The following PLXND1 variants were observed in gnomAD, a reference collection of about 807,000 sequenced individuals.
PLXND1 encodes the protein plexin D1.
Under a neutral mutation model 197.7 loss-of-function variants are expected in PLXND1, and 54 were observed. The ratio of observed to expected loss-of-function variants is 0.27; its 90% CI spans 0.22 to 0.34. The LOEUF is 0.34. PLXND1 is among the 10% of genes least tolerant of loss of function. PLXND1 has a pLI of 1.00. For synonymous variants in PLXND1, 1,180 were observed against 1,161.2 expected (o/e 1.02, Z -0.33); for missense variants, 2,127 against 2,699.2 (o/e 0.79, Z 4.70).
At position 129,606,094 on chromosome 3, in the gene PLXND1, C is replaced by T. The variant is rs1351152879; in HGVS notation, c.546G>A (p.Val182=). 1 of 1,548,668 alleles carries T rather than the reference C, an allele frequency of 6.5e-7. No individual in the cohort carries two copies. Among genetic ancestry groups the T allele is most frequent in the Non-Finnish European group, 8.7e-7 (1 of 1,153,180 alleles). ...PVTVFPSMLN[V]AANHPNASTV... The stretch of plus-strand genomic sequence containing the variant: ...TGGACGCGTTCGGGTGGTTGGCCGC[C>T]ACGTTCAGCATGCTGGGGAACACCG... Residue 182 remains valine (V), a synonymous_variant, in exon 1 of 36, where the codon GTG becomes GTA. Coordinates refer to ENST00000324093, the MANE Select transcript of PLXND1 (RefSeq NM_015103.3).
In PLXND1 at chr3:129,605,797, G is replaced by A. The variant is rs1257132397; in HGVS notation, c.843C>T (p.Ser281=). The change falls in exon 1 of 36, where the codon AGC becomes AGT. Residue 281 remains serine, a synonymous_variant. Transcript: ENST00000324093. ...GCGGGTCGGACGGGTGCAGGAAGGCGCTCACGAAGCCCAGCTTGTGCTGCT... is the reference window on the plus strand; with the variant it reads ...GCGGGTCGGACGGGTGCAGGAAGGCACTCACGAAGCCCAGCTTGTGCTGCT... The part of the protein sequence containing the change: ...AKEQHKLGFV[S]AFLHPSDPPP... The A allele has an allele frequency of 1.3e-6, 2 of 1,598,618 alleles. No individual in the cohort carries two copies. Among genetic ancestry groups the A allele is most frequent in the Non-Finnish European group, 1.7e-6 (2 of 1,173,386 alleles).
Position 129,557,132 on chromosome 3 carries a change from G to C in PLXND1, c.5537C>G (p.Thr1846Arg). 2 of 1,614,074 alleles carry C rather than the reference G, an allele frequency of 1.2e-6. No individual in the cohort carries two copies. The highest frequency in any genetic ancestry group is 1.7e-6 in the Non-Finnish European group (2 of 1,180,022). Residue 1846 changes from threonine (T) to arginine (R), a missense_variant, in exon 34 of 36, where the codon ACG (threonine) becomes AGG (arginine). By Grantham distance (71) the Thr-to-Arg change is moderately conservative. Transcript: ENST00000324093. This position sits in a 1 kb window ranked among gnomAD's most constrained non-coding sequence, Gnocchi z 4.8. ...ATTCATCTCTTGCTCGCTGAGCGGC[G>C]TCATGTCCTGGATCTGCTTGTAGTA... ...QRYYKQIQDM[T>R]PLSEQEMNAH...
chr3:129,598,429 A>G (rs2085659089), intron 1 of PLXND1, among the ~76,000 whole-genome samples: 1 of 151,792 alleles, frequency 6.6e-6, no homozygotes, highest in Non-Finnish European at 1.5e-5. Flanking sequence ...TCCCATACTC[A>G]CATACTCTAG....
intron 2 of PLXND1, 75 bp from the exon 3 acceptor site, chr3:129,586,794 G>T: frequency 6.6e-7 from 1 of 1,516,194 alleles, no homozygotes; most frequent in Non-Finnish European, 8.9e-7. Flanking sequence ...ACCTGAGCCC[G>T]GGTCTGGGGG....
At chr3:129,594,311 T>A (rs1284318186) in intron 1 of PLXND1, among the ~76,000 whole-genome samples, 2 of 152,054 alleles carry the variant, frequency 1.3e-5, no homozygotes, top group Non-Finnish European at 2.9e-5. Flanking sequence ...CATGATCACT[T>A]TGGGGTATTA....
Position 129,584,141 on chromosome 3 carries a change from C to T in PLXND1, c.2122G>A (p.Val708Met). 1.3e-6 allele frequency: 2 copies of T among 1,562,786 alleles called. No individual in the cohort carries two copies. Among genetic ancestry groups the T allele is most frequent in the South Asian group, 1.2e-5 (1 of 85,016 alleles). ...GCCACTCACGCTGTGTGGGGGTACA[C>T]TTGTGCAGTGCGGCTGCAGTCGTAG... ...TIYDCSRTAQ[V>M]YPHTACTSCL... The change falls in exon 7 of 36, where the codon GTG (valine) becomes ATG (methionine). Residue 708 changes from valine to methionine, a missense_variant. Around this residue, in one of 6 missense-constraint regions of PLXND1, gnomAD observed 1,095 missense variants for 1,259.8 expected, o/e 0.87. Coordinates refer to ENST00000324093, the MANE Select transcript of PLXND1 (RefSeq NM_015103.3).
At chr3:129,594,339 G>A (rs938898043) in intron 1 of PLXND1, among the ~76,000 whole-genome samples, 1 of 152,154 alleles carries the variant, frequency 6.6e-6, no homozygotes, top group East Asian at 1.9e-4. Flanking sequence ...AGGGTGGGCC[G>A]TTCGCACCAT....
At chr3:129,594,359 C>T (rs2085589991) in intron 1 of PLXND1, among the ~76,000 whole-genome samples, 1 of 152,204 alleles carries the variant, frequency 6.6e-6, no homozygotes, top group Non-Finnish European at 1.5e-5. Context: ...TGGCTCACGC[C>T]TGTAATCCCA....
At position 129,606,566 on chromosome 3, in the gene PLXND1, G is replaced by T; in HGVS notation, c.74C>A (p.Thr25Lys). 1.6e-6 allele frequency: 2 copies of T among 1,244,840 alleles called. No individual in the cohort carries two copies. The highest frequency in any genetic ancestry group is 2.0e-6 in the Non-Finnish European group (2 of 995,492). 77.1% of individuals were successfully genotyped at this position (1,244,840 alleles called of 1,614,324 possible). A position where few individuals can be genotyped will look rare whatever the true frequency, so the allele number is the denominator to read the frequency against. Residue 25 changes from threonine (T) to lysine (K), a missense_variant, in exon 1 of 36, where the codon ACG (threonine) becomes AAG (lysine). Coordinates refer to ENST00000324093, the MANE Select transcript of PLXND1 (RefSeq NM_015103.3). ...AAAASPPPFQTPPRCPVPLLL... is the reference protein window; with the variant it reads ...AAAASPPPFQKPPRCPVPLLL... ...CAGCGGCACCGGGCACCGCGGCGGC[G>T]TCTGGAACGGCGGGGGGCTGGCGGC...
chr3:129,578,400 G>T lies in PLXND1; in HGVS notation c.2275C>A (p.Pro759Thr). 1 of 1,603,664 alleles carries T rather than the reference G, an allele frequency of 6.2e-7. No homozygotes were observed. The highest frequency in any genetic ancestry group is 2.2e-5 in the East Asian group (1 of 44,520). ...PQDCPRTLLS[P>T]LAPVPTGGSQ... ...CCACCCGTAGGCACGGGTGCCAGGGGTGAGAGCAGGGTCCGGGGGCAGTCC... is the reference window on the plus strand; with the variant it reads ...CCACCCGTAGGCACGGGTGCCAGGGTTGAGAGCAGGGTCCGGGGGCAGTCC... Residue 759 changes from proline to threonine, a missense_variant, in exon 9 of 36, where the codon CCC (proline) becomes ACC (threonine). Physicochemically the swap from Pro to Thr is conservative, Grantham distance 38 (BLOSUM62 -1). Coordinates refer to ENST00000324093, the MANE Select transcript of PLXND1 (RefSeq NM_015103.3).
intron 1 of PLXND1, among the ~76,000 whole-genome samples, chr3:129,602,081 T>A (rs1430232532): frequency 1.3e-5 from 2 of 152,192 alleles, no homozygotes; most frequent in Non-Finnish European, 2.9e-5. Context: ...AGAATTGTAG[T>A]CATTGCAAAC....
At chr3:129,574,519 C>A (rs779089704) in intron 11 of PLXND1, 29 bp from the exon 12 acceptor site, 1 of 1,603,816 alleles carries the variant, frequency 6.2e-7, no homozygotes, top group Non-Finnish European at 8.5e-7. Context: ...GCTCGGTCAG[C>A]CCCGCTCTGC....
rs1216136306 is a variant in PLXND1 at position 129,555,778 on chromosome 3, A to T, written c.*534T>A. On this transcript the variant is annotated 3_prime_UTR_variant, in exon 36 of 36. Coordinates refer to ENST00000324093, the MANE Select transcript of PLXND1 (RefSeq NM_015103.3). The stretch of plus-strand genomic sequence containing the variant: ...GCCGCCCAAGCAACAAAAATCTGAC[A>T]CTACTTGAAACTGTCTGTGGCCAGG... The T allele has an allele frequency of 6.5e-6, 3 of 458,098 alleles. No individual in the cohort carries two copies. The highest frequency in any genetic ancestry group is 7.6e-6 in the Non-Finnish European group (2 of 261,680). The allele number at this position is 458,098 out of a possible 1,614,324, so 28.4% of individuals were successfully genotyped here.
Position 129,573,665 on chromosome 3 carries a change from G to C in PLXND1, c.2766C>G (p.Asp922Glu), listed in dbSNP as rs2085269591. The change falls in exon 13 of 36, where the codon GAC becomes GAG. Residue 922 changes from aspartate to glutamate, a missense_variant. Transcript: ENST00000324093. ...CACCAATCCACACGCCGTGGGCCAC[G>C]TCACTGAGCCGCCGGCCCAGGTTCC... ...RGRNLGRRLS[D>E]VAHGVWIGGV... 3 of 1,613,576 alleles carry C rather than the reference G, an allele frequency of 1.9e-6. No homozygotes were observed. The East Asian group carries it at 6.7e-5, about 36-fold the overall frequency.
At chr3:129,559,432 C>T (rs979379556) in intron 32 of PLXND1, 188 bp downstream of exon 32, 39 of 542,912 alleles carry the variant, frequency 7.2e-5, no homozygotes, top group Non-Finnish European at 1.2e-4. Flanking sequence ...TAACATGGGT[C>T]GCATTTTACA....
chr3:129,560,954 G>C, intron 29 of PLXND1: 1 of 654,804 alleles, frequency 1.5e-6, no homozygotes, highest in Non-Finnish European at 2.8e-6. Context: ...GAGTCTGGGA[G>C]AGACGGAGAG....
intron 22 of PLXND1, among the ~76,000 whole-genome samples, chr3:129,567,250 G>C (rs1201210665): frequency 6.6e-6 from 1 of 152,218 alleles, no homozygotes; most frequent in Non-Finnish European, 1.5e-5. Flanking sequence ...GGCCAGGACA[G>C]CGGGGCTGCA....
At chr3:129,565,630 G>T in intron 24 of PLXND1, 92 bp from the exon 25 acceptor site, 1 of 1,158,362 alleles carries the variant, frequency 8.6e-7, no homozygotes, top group Non-Finnish European at 1.2e-6. Context: ...CGGGCCCATC[G>T]ATCCCAGGAG....
Position 129,558,868 on chromosome 3 carries a change from G to A in PLXND1, c.5298-293C>T, listed in dbSNP as rs1044803375. On this transcript the variant is annotated intron_variant, in intron 32 of 35. Coordinates refer to ENST00000324093, the MANE Select transcript of PLXND1 (RefSeq NM_015103.3). This position sits in a 1 kb window ranked among gnomAD's most constrained non-coding sequence, Gnocchi z 4.1. ...CTGGTTCTCATTAGAACCAGGTGCC[G>A]GCCCCCGGGCACCCCTGGCTCCTCC... Among the ~76,000 whole-genome samples the A allele has an allele frequency of 1.3e-5, 2 of 152,240 alleles. No homozygotes were observed. Among genetic ancestry groups the A allele is most frequent in the South Asian group, 2.1e-4 (1 of 4,822 alleles).
Sources: gnomAD v4.1 joint callset for allele counts (sites outside exome capture counted in the v4.1 genomes callset) on GRCh38, gnomAD v4.1.1 for gene constraint, gnomAD v4.1.1 regional missense constraint, Gnocchi (gnomAD v3.1) non-coding constraint, MANE v1.5 for transcripts, NCBI Gene and HGNC (gene_info 2026-07-23, HGNC 2026-07-21) for gene names.